The following LYPD6 variants were observed in gnomAD, a reference collection of about 807,000 sequenced individuals.
LYPD6 encodes the protein LY6/PLAUR domain containing 6, also known as ly6/PLAUR domain-containing protein 6.
LYPD6 carries 15 observed loss-of-function variants against 22.7 expected under a neutral mutation model. The observed-to-expected ratio is 0.66, with a 90% CI of 0.44 to 1.02. The LOEUF is 1.02. LYPD6 is among the 50% of genes least tolerant of loss of function. The probability of loss-of-function intolerance (pLI) is 0.00; values close to 1 mark genes in which losing one functional copy is unlikely to be tolerated. For synonymous variants in LYPD6, 72 were observed against 77.5 expected (o/e 0.93, Z 0.37); for missense variants, 189 against 208.4 (o/e 0.91, Z 0.57).
chr2:149,479,531 C>T, the LYPD6 span, among the ~76,000 whole-genome samples: 1 of 152,336 alleles, frequency 6.6e-6, no homozygotes, highest in African/African-American at 2.4e-5. Flanking sequence ...CCCAGGCTCA[C>T]CTCGTCTAGT....
intron 1 of LYPD6, among the ~76,000 whole-genome samples, chr2:149,423,377 A>G (rs1202211995): frequency 6.6e-6 from 1 of 152,204 alleles, no homozygotes; most frequent in African/African-American, 2.4e-5. Context: ...TCGTGATGGT[A>G]TCAGGCTGCA....
At chr2:149,340,064 T>G (rs1681130276) in intron 1 of LYPD6, among the ~76,000 whole-genome samples, 1 of 152,188 alleles carries the variant, frequency 6.6e-6, no homozygotes. Flanking sequence ...TGGAAATCAT[T>G]ATTGCTACTT....
intron 1 of LYPD6, among the ~76,000 whole-genome samples, chr2:149,422,338 A>G (rs1302776199): frequency 1.3e-5 from 2 of 152,156 alleles, no homozygotes; most frequent in Non-Finnish European, 2.9e-5. Context: ...CCCACTCCAG[A>G]GCCTGTGCTC....
chr2:149,401,440 C>T (rs1164460994), intron 1 of LYPD6, among the ~76,000 whole-genome samples: 5 of 152,238 alleles, frequency 3.3e-5, no homozygotes, highest in African/African-American at 1.2e-4. Context: ...CAGCTGATTT[C>T]TGCTCATCTG....
chr2:149,461,380 A>T (rs1436729632), intron 3 of LYPD6, among the ~76,000 whole-genome samples: 1 of 151,766 alleles, frequency 6.6e-6, no homozygotes, highest in Admixed American at 6.6e-5. Flanking sequence ...ACTCCTAAGA[A>T]TTTTTTTTAT....
At chr2:149,460,835 G>T (rs1337082739) in intron 3 of LYPD6, among the ~76,000 whole-genome samples, 1 of 151,976 alleles carries the variant, frequency 6.6e-6, no homozygotes, top group African/African-American at 2.4e-5. Flanking sequence ...AAAGATAAAA[G>T]GAAGGTCACC....
intron 1 of LYPD6, among the ~76,000 whole-genome samples, chr2:149,425,263 C>T (rs1209172981): frequency 6.6e-6 from 1 of 152,140 alleles, no homozygotes; most frequent in African/African-American, 2.4e-5. Context: ...GTGACTGAAG[C>T]CAGCATTTCT....
At chr2:149,434,601 A>G (rs917732924) in intron 1 of LYPD6, among the ~76,000 whole-genome samples, 3 of 152,164 alleles carry the variant, frequency 2.0e-5, no homozygotes, top group African/African-American at 4.8e-5. Flanking sequence ...CTCATCTCTT[A>G]TGGCAAAACA....
At chr2:149,376,349 T>C (rs1005122813) in intron 1 of LYPD6, among the ~76,000 whole-genome samples, 1 of 152,112 alleles carries the variant, frequency 6.6e-6, no homozygotes, top group African/African-American at 2.4e-5. Flanking sequence ...TTAAAATAAA[T>C]GGAATTAGAA....
At chr2:149,359,698 T>C (rs1681534009) in intron 1 of LYPD6, among the ~76,000 whole-genome samples, 1 of 152,182 alleles carries the variant, frequency 6.6e-6, no homozygotes, top group Non-Finnish European at 1.5e-5. Flanking sequence ...CTGTTTTTTC[T>C]TTTTCTTAGA....
At chr2:149,338,435 A>G (rs966263000) in intron 1 of LYPD6, among the ~76,000 whole-genome samples, 8 of 152,222 alleles carry the variant, frequency 5.3e-5, no homozygotes, top group African/African-American at 1.9e-4. Flanking sequence ...CATACCTCCA[A>G]AATTATGTGT....
chr2:149,341,127 G>T (rs939077475), intron 1 of LYPD6, among the ~76,000 whole-genome samples: 4 of 152,100 alleles, frequency 2.6e-5, no homozygotes, highest in African/African-American at 9.7e-5. Flanking sequence ...TAACTTCATA[G>T]GAGAATTTTC....
chr2:149,442,333 C>G (rs1177882242), intron 2 of LYPD6, among the ~76,000 whole-genome samples: 8 of 152,188 alleles, frequency 5.3e-5, no homozygotes, highest in Admixed American at 2.0e-4. Flanking sequence ...TAAATCTTTT[C>G]TGATACCGTA....
intron 1 of LYPD6, among the ~76,000 whole-genome samples, chr2:149,425,751 A>C (rs1363248705): frequency 1.3e-5 from 2 of 152,178 alleles, no homozygotes; most frequent in African/African-American, 4.8e-5. Context: ...CAGAGTTGGG[A>C]GCTTATTTGA....
chr2:149,332,965 AAGAC>A (rs1680967557), intron 1 of LYPD6, among the ~76,000 whole-genome samples: 1 of 152,240 alleles, frequency 6.6e-6, no homozygotes. Context: ...ATGTTTCAGA[AAGAC>A]AAGTAACAGT....
At chr2:149,378,506 T>TA (rs1681984096) in intron 1 of LYPD6, among the ~76,000 whole-genome samples, 1 of 152,230 alleles carries the variant, frequency 6.6e-6, no homozygotes, top group African/African-American at 2.4e-5. Flanking sequence ...TATTTTAACT[T>TA]ATTCTAATAC....
chr2:149,461,230 C>A (rs533759190), intron 3 of LYPD6, among the ~76,000 whole-genome samples: 16 of 151,646 alleles, frequency 1.1e-4, no homozygotes, highest in African/African-American at 3.9e-4. Flanking sequence ...TGGAGAAAAA[C>A]ATTAAGGTAC....
chr2:149,344,099 C>A (rs918324108), intron 1 of LYPD6, among the ~76,000 whole-genome samples: 1 of 152,166 alleles, frequency 6.6e-6, no homozygotes, highest in African/African-American at 2.4e-5. Context: ...ATTGGACTAT[C>A]TGGTGTCTGA....
chr2:149,407,021 G>C (rs1448510687), intron 1 of LYPD6, among the ~76,000 whole-genome samples: 6 of 151,998 alleles, frequency 3.9e-5, no homozygotes, highest in African/African-American at 1.4e-4. Context: ...TGAAATTCTG[G>C]GTTGAAAATT....
Sources: gnomAD v4.1 joint callset for allele counts (sites outside exome capture counted in the v4.1 genomes callset) on GRCh38, gnomAD v4.1.1 for gene constraint, MANE v1.5 for transcripts, NCBI Gene and HGNC (gene_info 2026-07-23, HGNC 2026-07-21) for gene names.